NPAS3: variants seen among roughly 807,000 people sequenced by gnomAD.
The protein encoded by NPAS3 is neuronal PAS domain protein 3, also known as neuronal PAS domain-containing protein 3.
In NPAS3, 14 loss-of-function variants were observed where a neutral mutation model predicts 73.1. The observed-to-expected ratio is 0.19, with a 90% confidence interval of 0.13 to 0.30. The LOEUF (loss-of-function observed/expected upper bound fraction) is 0.30, where lower values mean the gene tolerates loss of function less well. NPAS3 is among the 10% of genes least tolerant of loss of function. The probability of loss-of-function intolerance (pLI) is 1.00; values close to 1 mark genes in which losing one functional copy is unlikely to be tolerated. For missense variants in NPAS3, 1,096 were observed against 1,250.0 expected (o/e 0.88, Z 1.86); for synonymous variants, 620 against 541.5 (o/e 1.14, Z -2.01).
intron 4 of NPAS3, among the ~76,000 whole-genome samples, chr14:33,381,143 T>C (rs908836245): frequency 3.9e-5 from 6 of 152,184 alleles, no homozygotes; most frequent in Non-Finnish European, 7.3e-5. Flanking sequence ...AGAATTGTAG[T>C]CACATAGGAG....
intron 4 of NPAS3, among the ~76,000 whole-genome samples, chr14:33,437,852 A>G (rs1375660248): frequency 6.6e-6 from 1 of 152,200 alleles, no homozygotes; most frequent in Non-Finnish European, 1.5e-5. Context: ...TTCAAGGACC[A>G]GGAGAATTTG....
At chr14:33,104,998 A>G (rs1449004166) in intron 2 of NPAS3, among the ~76,000 whole-genome samples, 1 of 152,166 alleles carries the variant, frequency 6.6e-6, no homozygotes, top group African/African-American at 2.4e-5. Context: ...TAGCCAACAT[A>G]GGAATTTTGG....
chr14:33,041,137 T>C lies in NPAS3; in HGVS notation c.51-14768T>C, dbSNP rs374714735. 4.6e-5 allele frequency among the ~76,000 whole-genome samples: 7 copies of C among 152,278 alleles called. No homozygotes were observed. The East Asian group carries it at 7.7e-4, about 17-fold the overall frequency. On this transcript the variant is annotated intron_variant, in intron 1 of 11. Coordinates refer to ENST00000356141, the Ensembl canonical transcript of NPAS3. ...AAGGCAGGAATTAGCTATAATAGACTCCATTTCAAATTGTTGAAATCAAGT... is the reference window on the plus strand; with the variant it reads ...AAGGCAGGAATTAGCTATAATAGACCCCATTTCAAATTGTTGAAATCAAGT...
At chr14:33,249,951 T>C (rs1313136705) in intron 3 of NPAS3, among the ~76,000 whole-genome samples, 3 of 151,192 alleles carry the variant, frequency 2.0e-5, no homozygotes, top group Non-Finnish European at 4.4e-5. Flanking sequence ...TACATACACA[T>C]ATAAAATTGT....
chr14:33,793,598 A>T (rs2063426968), intron 9 of NPAS3, among the ~76,000 whole-genome samples: 1 of 152,212 alleles, frequency 6.6e-6, no homozygotes, highest in Non-Finnish European at 1.5e-5. Context: ...ACACCGCATT[A>T]GGTGTTCTGT....
chr14:33,523,260 T>C (rs2053637534), intron 4 of NPAS3, among the ~76,000 whole-genome samples: 1 of 152,008 alleles, frequency 6.6e-6, no homozygotes, highest in African/African-American at 2.4e-5. Flanking sequence ...ACTGGTTTGA[T>C]AGAAAGAGAA....
chr14:33,461,918 A>G (rs958606467), intron 4 of NPAS3, among the ~76,000 whole-genome samples: 1 of 152,214 alleles, frequency 6.6e-6, no homozygotes, highest in African/African-American at 2.4e-5. Flanking sequence ...TCATGAGGTA[A>G]TAGAGACAAT....
At chr14:32,988,517 T>A (rs1372457521) in intron 1 of NPAS3, among the ~76,000 whole-genome samples, 1 of 152,166 alleles carries the variant, frequency 6.6e-6, no homozygotes, top group African/African-American at 2.4e-5. Context: ...TCTAAAAACA[T>A]GTTTAGGATT....
Position 33,657,127 on chromosome 14 carries a change from T to A in NPAS3, c.559-19084T>A, listed in dbSNP as rs548630302. Among the ~76,000 whole-genome samples, 6 of 152,310 alleles carry A rather than the reference T, an allele frequency of 3.9e-5. No homozygotes were observed. In the South Asian group the frequency reaches 1.2e-3, roughly 32 times the overall value. On this transcript the variant is annotated intron_variant, in intron 5 of 11. Coordinates refer to ENST00000356141, the Ensembl canonical transcript of NPAS3. Reference sequence around the variant, plus strand: ...ACAGCAGACACAGAAAGACAAATACTTCTATGTGAAAGCTACAAAAGTCAA... The same window carrying A: ...ACAGCAGACACAGAAAGACAAATACATCTATGTGAAAGCTACAAAAGTCAA...
At chr14:33,059,656 A>G (rs535878755) in intron 2 of NPAS3, among the ~76,000 whole-genome samples, 1 of 152,302 alleles carries the variant, frequency 6.6e-6, no homozygotes, top group African/African-American at 2.4e-5. Context: ...CACATCTGTA[A>G]AGTAGTGGAT....
At chr14:33,368,671 T>C (rs964800695) in intron 4 of NPAS3, among the ~76,000 whole-genome samples, 1 of 152,184 alleles carries the variant, frequency 6.6e-6, no homozygotes, top group African/African-American at 2.4e-5. Context: ...ACCTTGGGAG[T>C]TGCTATTCTA....
chr14:33,342,541 C>T (rs1335047650), intron 3 of NPAS3, among the ~76,000 whole-genome samples: 1 of 152,252 alleles, frequency 6.6e-6, no homozygotes, highest in East Asian at 1.9e-4. Flanking sequence ...CTCTGCTCTG[C>T]AGCAGGTCAG....
intron 4 of NPAS3, among the ~76,000 whole-genome samples, chr14:33,450,933 G>A (rs906328881): frequency 5.3e-5 from 8 of 152,090 alleles, no homozygotes; most frequent in African/African-American, 1.9e-4. Flanking sequence ...AATGTCTATA[G>A]GAGCTCTGTA....
At chr14:33,699,637 G>A (rs1038872894) in intron 6 of NPAS3, among the ~76,000 whole-genome samples, 1 of 152,208 alleles carries the variant, frequency 6.6e-6, no homozygotes, top group Non-Finnish European at 1.5e-5. Context: ...CTCGGCCAGA[G>A]TAATTAGAAC....
chr14:32,987,569 T>C (rs985582640), intron 1 of NPAS3, among the ~76,000 whole-genome samples: 4 of 152,214 alleles, frequency 2.6e-5, no homozygotes, highest in Non-Finnish European at 5.9e-5. Flanking sequence ...TTTTGAAAAT[T>C]AGTAATATAG....
At chr14:32,968,074 G>T (rs1255444441) in intron 1 of NPAS3, among the ~76,000 whole-genome samples, 1 of 152,152 alleles carries the variant, frequency 6.6e-6, no homozygotes, top group East Asian at 1.9e-4. Flanking sequence ...GGTTACCAGA[G>T]ACAGGGAGAC....
intron 2 of NPAS3, among the ~76,000 whole-genome samples, chr14:33,104,745 T>C (rs1181293568): frequency 6.6e-6 from 1 of 152,154 alleles, no homozygotes; most frequent in Non-Finnish European, 1.5e-5. Flanking sequence ...ACAGTTAATA[T>C]AGTGAGAGAA....
At chr14:33,330,214 G>GTGT (rs2043920325) in intron 3 of NPAS3, among the ~76,000 whole-genome samples, 1 of 152,160 alleles carries the variant, frequency 6.6e-6, no homozygotes, top group Admixed American at 6.5e-5. Context: ...CTGCACTCCA[G>GTGT]CCTGGGTGAC....
At chr14:33,772,017 G>T (rs12431854) in intron 7 of NPAS3, among the ~76,000 whole-genome samples, 8,796 of 152,222 alleles carry the variant, frequency 0.058, 435 homozygotes, top group Admixed American at 0.14. Flanking sequence ...AAAAGGGAAA[G>T]GAGCGAAGAT....
Sources: allele counts gnomAD v4.1 joint callset (sites outside exome capture counted in the v4.1 genomes callset), GRCh38; gene constraint gnomAD v4.1.1; transcripts MANE v1.5; gene names NCBI Gene and HGNC (gene_info 2026-07-23, HGNC 2026-07-21).